Variants in ACVR2B observed in about 807,000 individuals in gnomAD.
The protein encoded by ACVR2B is activin A receptor type 2B.
In ACVR2B, 18 loss-of-function variants were observed where a neutral mutation model predicts 65.1. The ratio of observed to expected loss-of-function variants is 0.28; its 90% CI spans 0.19 to 0.41. ACVR2B has a LOEUF of 0.41. Ranked by LOEUF, ACVR2B falls within the 10% of genes least tolerant of loss-of-function variation. The probability of loss-of-function intolerance (pLI) is 1.00; values close to 1 mark genes in which losing one functional copy is unlikely to be tolerated. For synonymous variants in ACVR2B, 298 were observed against 277.7 expected, an observed-to-expected ratio of 1.07 and a Z score of -0.73; for missense variants, 482 against 682.7, an observed-to-expected ratio of 0.71 and a Z score of 3.28.
Position 38,477,357 on chromosome 3 carries a change from C to T in ACVR2B, c.123C>T (p.Thr41=), listed in dbSNP as rs763552172. ...YYNANWELER[T]NQSGLERCEG... ...ACGCCAACTGGGAGCTGGAGCGCACCAACCAGAGCGGCCTGGAGCGCTGCG... is the reference window on the plus strand; with the variant it reads ...ACGCCAACTGGGAGCTGGAGCGCACTAACCAGAGCGGCCTGGAGCGCTGCG... The change falls in exon 2 of 11, where the codon ACC becomes ACT. Residue 41 remains threonine (T), a synonymous_variant. Transcript: ENST00000352511. The surrounding 1 kb of genome is among the most constrained non-coding windows in gnomAD (Gnocchi z 6.7). 2 of 1,614,156 alleles carry T rather than the reference C, an allele frequency of 1.2e-6. No individual in the cohort carries two copies. Among genetic ancestry groups the T allele is most frequent in the Non-Finnish European group, 1.7e-6 (2 of 1,180,014 alleles).
In ACVR2B at chr3:38,454,295, G is replaced by C. The variant is rs892282210; in HGVS notation, c.-28G>C. On this transcript the variant is annotated 5_prime_UTR_variant, in exon 1 of 11. Transcript: ENST00000352511. Reference sequence around the variant, plus strand: ...CCGTGCGGCCCTGCCCGCGGGCTCCGGGTGTGCGCGGGGCGGCGCCGCGGA... The same window carrying C: ...CCGTGCGGCCCTGCCCGCGGGCTCCCGGTGTGCGCGGGGCGGCGCCGCGGA... The C allele has an allele frequency of 3.7e-5, 47 of 1,258,362 alleles. No homozygotes were observed. Among genetic ancestry groups the C allele is most frequent in the Middle Eastern group, 6.2e-4 (2 of 3,236 alleles). 77.9% of individuals were successfully genotyped at this position (1,258,362 alleles called of 1,614,324 possible).
At chr3:38,480,549 T>C (rs1348487092) in intron 7 of ACVR2B, among the ~76,000 whole-genome samples, 2 of 152,238 alleles carry the variant, frequency 1.3e-5, no homozygotes, top group East Asian at 3.8e-4. Flanking sequence ...CAAGGTCTTG[T>C]AGCTAGTTGA....
intron 1 of ACVR2B, among the ~76,000 whole-genome samples, chr3:38,473,123 C>G (rs1166934813): frequency 6.6e-6 from 1 of 152,286 alleles, no homozygotes; most frequent in Non-Finnish European, 1.5e-5. Flanking sequence ...TGGGTACTTT[C>G]TCTCTACTGG....
At position 38,478,464 on chromosome 3, in the gene ACVR2B, C is replaced by G. The variant is rs772179835; in HGVS notation, c.612C>G (p.Val204=). ...AGGCTCGGGGGCGCTTTGGCTGTGT[C>G]TGGAAGGCCCAGCTCATGAATGACT... ...EIKARGRFGC[V]WKAQLMNDFV... The change falls in exon 5 of 11, where the codon GTC becomes GTG. Residue 204 remains valine, a synonymous_variant. Coordinates refer to ENST00000352511, the MANE Select transcript of ACVR2B (RefSeq NM_001106.4). The G allele has an allele frequency of 6.2e-7, 1 of 1,614,144 alleles. No individual in the cohort carries two copies. The highest frequency in any genetic ancestry group is 1.1e-5 in the South Asian group (1 of 91,084).
intron 1 of ACVR2B, among the ~76,000 whole-genome samples, chr3:38,461,731 A>G (rs772872409): frequency 1.3e-5 from 2 of 152,216 alleles, no homozygotes; most frequent in Non-Finnish European, 2.9e-5. Context: ...AACAAGTAAT[A>G]TACCTACATT....
chr3:38,490,592 A>C lies in ACVR2B; in HGVS notation c.*7260A>C, dbSNP rs1197123694. ...AAGCAACTGCTGTAAGCTTTTTTCT[A>C]CTTGTCTTTTCTAGTCCCCAACCTC... On this transcript the variant is annotated 3_prime_UTR_variant, in exon 11 of 11. Transcript: ENST00000352511. 1.3e-5 allele frequency: 2 copies of C among 152,294 alleles called. No homozygotes were observed. The highest frequency in any genetic ancestry group is 2.9e-5 in the Non-Finnish European group (2 of 67,966). 9.4% of individuals were successfully genotyped at this position (152,294 alleles called of 1,614,324 possible).
In ACVR2B at chr3:38,488,017, C is replaced by T. The variant is rs560748079; in HGVS notation, c.*4685C>T. 1 of 152,300 alleles carries T rather than the reference C, an allele frequency of 6.6e-6. No homozygotes were observed. The highest frequency in any genetic ancestry group is 2.1e-4 in the South Asian group (1 of 4,818). The allele number at this position is 152,300 out of a possible 1,614,324, so 9.4% of individuals were successfully genotyped here. On this transcript the variant is annotated 3_prime_UTR_variant, in exon 11 of 11. Transcript: ENST00000352511. ...GAAGCTCCGTGAATCTAGTCATCTACCCTTCATCCTGGGCGAACAGCCAAA... is the reference window on the plus strand; with the variant it reads ...GAAGCTCCGTGAATCTAGTCATCTATCCTTCATCCTGGGCGAACAGCCAAA...
Position 38,486,689 on chromosome 3 carries a change from A to G in ACVR2B, c.*3357A>G. On this transcript the variant is annotated 3_prime_UTR_variant, in exon 11 of 11. Transcript: ENST00000352511. ...GTGGGAGGGGACCAAGTTAGCAGAG[A>G]GTAGCCAAGGATCCTTGCTTCTTCC... 1 of 152,208 alleles carries G rather than the reference A, an allele frequency of 6.6e-6. No individual in the cohort carries two copies. The allele number at this position is 152,208 out of a possible 1,614,324, so 9.4% of individuals were successfully genotyped here. A position where few individuals can be genotyped will look rare whatever the true frequency, so the allele number is the denominator to read the frequency against.
Position 38,487,950 on chromosome 3 carries a change from G to A in ACVR2B, c.*4618G>A, listed in dbSNP as rs1179455805. ...GGCACACCTTTGGAGAGATGGCCACGCCTGATTCCCATTTCAGGGGCATCA... is the reference window on the plus strand; with the variant it reads ...GGCACACCTTTGGAGAGATGGCCACACCTGATTCCCATTTCAGGGGCATCA... On this transcript the variant is annotated 3_prime_UTR_variant, in exon 11 of 11. Coordinates refer to ENST00000352511, the MANE Select transcript of ACVR2B (RefSeq NM_001106.4). The A allele has an allele frequency of 1.3e-5, 2 of 152,154 alleles. No homozygotes were observed. The highest frequency in any genetic ancestry group is 2.4e-5 in the African/African-American group (1 of 41,434). 9.4% of individuals were successfully genotyped at this position (152,154 alleles called of 1,614,324 possible). A position where few individuals can be genotyped will look rare whatever the true frequency, so the allele number is the denominator to read the frequency against.
At chr3:38,482,673 T>G (rs1256321641) in intron 10 of ACVR2B, 113 bp downstream of exon 10, 3 of 1,452,122 alleles carry the variant, frequency 2.1e-6, no homozygotes, top group East Asian at 2.5e-5. Flanking sequence ...GTCTGCGACG[T>G]TCCCTGGACT....
At position 38,479,824 on chromosome 3, in the gene ACVR2B, C is replaced by T; in HGVS notation, c.957C>T (p.His319=). The change falls in exon 7 of 11, where the codon CAC becomes CAT. Residue 319 remains histidine (H), a splice_region_variant and synonymous_variant. Transcript: ENST00000352511. ...RGEGHKPSIA[H]RDFKSKNVLL... ...AGGGCCACAAGCCGTCTATTGCCCA[C>T]AGGTACCTGGGTCAGCAGGTGCCTT... 1.2e-6 allele frequency: 2 copies of T among 1,614,060 alleles called. No homozygotes were observed. Among genetic ancestry groups the T allele is most frequent in the Non-Finnish European group, 1.7e-6 (2 of 1,179,986 alleles).
At chr3:38,464,845 C>T (rs1480857870) in intron 1 of ACVR2B, among the ~76,000 whole-genome samples, 1 of 151,724 alleles carries the variant, frequency 6.6e-6, no homozygotes, top group East Asian at 1.9e-4. Flanking sequence ...ATCAGTTGAG[C>T]CCAGGAGTTC....
chr3:38,454,375 G>GT lies in ACVR2B; in HGVS notation c.52+2dup. The GT allele has an allele frequency of 7.9e-7, 1 of 1,265,612 alleles. No homozygotes were observed. The highest frequency in any genetic ancestry group is 9.9e-7 in the Non-Finnish European group (1 of 1,007,490). 78.4% of individuals were successfully genotyped at this position (1,265,612 alleles called of 1,614,324 possible). On this transcript the variant is annotated splice_donor_variant, in intron 1 of 10. Coordinates refer to ENST00000352511, the MANE Select transcript of ACVR2B (RefSeq NM_001106.4). LOFTEE classifies it high-confidence loss of function. ...CTCCTCTGGGGATCGCTGTGCGCCGGTAAGAACTGGGCGCGGCGCGGGGAC... is the reference window on the plus strand; with the variant it reads ...CTCCTCTGGGGATCGCTGTGCGCCGGTTAAGAACTGGGCGCGGCGCGGGGAC...
Position 38,485,605 on chromosome 3 carries a change from T to C in ACVR2B, c.*2273T>C, listed in dbSNP as rs1710104687. On this transcript the variant is annotated 3_prime_UTR_variant, in exon 11 of 11. Coordinates refer to ENST00000352511, the MANE Select transcript of ACVR2B (RefSeq NM_001106.4). ...CTCTCGGAGCTCAGTTTTTGCTTCA[T>C]GGGTCAAAATGTGGGCTGGCCAAGT... 6.7e-6 allele frequency: 1 copy of C among 150,164 alleles called. No individual in the cohort carries two copies. Among genetic ancestry groups the C allele is most frequent in the South Asian group, 2.1e-4 (1 of 4,702 alleles). 9.3% of individuals were successfully genotyped at this position (150,164 alleles called of 1,614,324 possible).
In ACVR2B at chr3:38,477,630, C is replaced by T; in HGVS notation, c.260+136C>T. The T allele has an allele frequency of 1.8e-6, 2 of 1,130,212 alleles. No homozygotes were observed. The highest frequency in any genetic ancestry group is 2.6e-6 in the Non-Finnish European group (2 of 763,326). 70.0% of individuals were successfully genotyped at this position (1,130,212 alleles called of 1,614,324 possible). On this transcript the variant is annotated intron_variant, in intron 2 of 10. Coordinates refer to ENST00000352511, the MANE Select transcript of ACVR2B (RefSeq NM_001106.4). This position sits in a 1 kb window ranked among gnomAD's most constrained non-coding sequence, Gnocchi z 6.7. ...GCTCTTGAGATGGTAGCCATGGCCC[C>T]ACGCCCTTCCACACCCTATTTGTCC...
At position 38,481,798 on chromosome 3, in the gene ACVR2B, AC is replaced by A. The variant is rs1228573384; in HGVS notation, c.1074+335del. Among the ~76,000 whole-genome samples the A allele has an allele frequency of 6.6e-6, 1 of 152,236 alleles. No individual in the cohort carries two copies. The highest frequency in any genetic ancestry group is 2.4e-5 in the African/African-American group (1 of 41,462). On this transcript the variant is annotated intron_variant, in intron 8 of 10. Transcript: ENST00000352511. This position sits in a 1 kb window ranked among gnomAD's most constrained non-coding sequence, Gnocchi z 4.7. The stretch of plus-strand genomic sequence containing the variant: ...AATGTACTAAGGATCCAAACAAAGA[AC>A]CTGGAAAAAGTAACTAAAAATTAAA...
At chr3:38,461,680 A>G (rs996409025) in intron 1 of ACVR2B, among the ~76,000 whole-genome samples, 1 of 152,144 alleles carries the variant, frequency 6.6e-6, no homozygotes, top group Non-Finnish European at 1.5e-5. Context: ...CACTTCCCCC[A>G]TAACTAATTT....
Position 38,477,367 on chromosome 3 carries a change from G to A in ACVR2B, c.133G>A (p.Gly45Ser). ...NWELERTNQS[G>S]LERCEGEQDK... is the part of the protein sequence containing the mutation. ...GGAGCTGGAGCGCACCAACCAGAGC[G>A]GCCTGGAGCGCTGCGAAGGCGAGCA... The change falls in exon 2 of 11, where the codon GGC (glycine) becomes AGC (serine). Residue 45 changes from glycine to serine, a missense_variant. By Grantham distance (56) the Gly-to-Ser change is moderately conservative (BLOSUM62 0). Coordinates refer to ENST00000352511, the MANE Select transcript of ACVR2B (RefSeq NM_001106.4). This position sits in a 1 kb window ranked among gnomAD's most constrained non-coding sequence, Gnocchi z 6.7. The A allele has an allele frequency of 6.2e-7, 1 of 1,614,160 alleles. No individual in the cohort carries two copies.
rs1710088889 is a variant in ACVR2B at position 38,484,927 on chromosome 3, A to T, written c.*1595A>T. The T allele has an allele frequency of 6.6e-6, 1 of 152,654 alleles. No homozygotes were observed. The highest frequency in any genetic ancestry group is 2.1e-4 in the South Asian group (1 of 4,836). The allele number at this position is 152,654 out of a possible 1,614,324, so 9.5% of individuals were successfully genotyped here. On this transcript the variant is annotated 3_prime_UTR_variant, in exon 11 of 11. Transcript: ENST00000352511. ...AATAGAGAAAAAGAAAAAAGTTTGCATCTTCTAGGGAGTGCTACCATTTTT... is the reference window on the plus strand; with the variant it reads ...AATAGAGAAAAAGAAAAAAGTTTGCTTCTTCTAGGGAGTGCTACCATTTTT...
Sources: gnomAD v4.1 joint callset for allele counts (sites outside exome capture counted in the v4.1 genomes callset) on GRCh38, gnomAD v4.1.1 for gene constraint, Gnocchi (gnomAD v3.1) non-coding constraint, MANE v1.5 for transcripts, NCBI Gene and HGNC (gene_info 2026-07-23, HGNC 2026-07-21) for gene names.